The following SNX29 variants were observed in gnomAD, a reference collection of about 807,000 sequenced individuals.
SNX29 encodes the protein sorting nexin 29.
SNX29 carries 78 observed loss-of-function variants against 102.1 expected under a neutral mutation model. The ratio of observed to expected loss-of-function variants is 0.76; its 90% CI spans 0.64 to 0.92. The LOEUF (loss-of-function observed/expected upper bound fraction) is 0.92. SNX29 is among the 40% of genes least tolerant of loss of function. SNX29 has a pLI of 0.00. For synonymous variants in SNX29, 580 were observed against 414.5 expected (o/e 1.40, Z -4.85); for missense variants, 1,280 against 1,061.7 (o/e 1.21, Z -2.86).
At chr16:12,071,466 G>A (rs2051299301) in intron 10 of SNX29, among the ~76,000 whole-genome samples, 1 of 152,162 alleles carries the variant, frequency 6.6e-6, no homozygotes. Flanking sequence ...GTTTGTCAAA[G>A]ATCAGATAGT....
At chr16:12,386,896 G>A (rs749304879) in intron 16 of SNX29, among the ~76,000 whole-genome samples, 2 of 151,736 alleles carry the variant, frequency 1.3e-5, no homozygotes, top group Non-Finnish European at 1.5e-5. Context: ...AGGCCAAGGC[G>A]GGTGGATCAC....
chr16:12,550,595 G>T (rs1006814872), intron 20 of SNX29, among the ~76,000 whole-genome samples: 4 of 150,818 alleles, frequency 2.7e-5, no homozygotes, highest in Admixed American at 1.3e-4. Context: ...GCATACATAC[G>T]TGCTTCTATG....
chr16:12,125,640 T>C (rs1417026059), intron 11 of SNX29, among the ~76,000 whole-genome samples: 1 of 119,790 alleles, frequency 8.3e-6, no homozygotes, highest in African/African-American at 3.6e-5. Context: ...TTTTTTTTTT[T>C]TGAGATGAGG....
chr16:12,459,183 C>A (rs918343632), intron 18 of SNX29, among the ~76,000 whole-genome samples: 1 of 149,398 alleles, frequency 6.7e-6, no homozygotes, highest in African/African-American at 2.5e-5. Context: ...CTCCTACCCG[C>A]CTTTTCCCCC....
At chr16:12,200,299 G>C (rs1041336418) in intron 14 of SNX29, among the ~76,000 whole-genome samples, 2 of 152,118 alleles carry the variant, frequency 1.3e-5, no homozygotes, top group Admixed American at 6.5e-5. Flanking sequence ...GCCAAATGAG[G>C]TGGGGCCATC....
At chr16:12,084,545 G>T (rs1303538772) in intron 11 of SNX29, among the ~76,000 whole-genome samples, 1 of 152,202 alleles carries the variant, frequency 6.6e-6, no homozygotes, top group Non-Finnish European at 1.5e-5. Flanking sequence ...AGCTGTACCT[G>T]GGGTTGGAGT....
At chr16:12,528,371 A>AT (rs1044795306) in intron 20 of SNX29, among the ~76,000 whole-genome samples, 7 of 151,164 alleles carry the variant, frequency 4.6e-5, no homozygotes, top group Admixed American at 2.6e-4. Flanking sequence ...TAATTTTTGT[A>AT]TTTTTTATAG....
chr16:12,246,750 T>A (rs1180301904), intron 14 of SNX29, among the ~76,000 whole-genome samples: 1 of 152,196 alleles, frequency 6.6e-6, no homozygotes, highest in Non-Finnish European at 1.5e-5. Context: ...GTGGTATTCT[T>A]AGAACAATGA....
intron 20 of SNX29, among the ~76,000 whole-genome samples, chr16:12,552,918 T>C (rs13332990): frequency 0.035 from 5,324 of 152,310 alleles, 312 homozygotes; most frequent in African/African-American, 0.12. Flanking sequence ...GCAGCAGAGC[T>C]GATTGCTCCT....
intron 15 of SNX29, among the ~76,000 whole-genome samples, chr16:12,328,569 C>T (rs943027669): frequency 3.9e-5 from 6 of 152,104 alleles, no homozygotes; most frequent in African/African-American, 2.4e-5. Flanking sequence ...GCCCAGATTC[C>T]TCGTTCTCTG....
intron 20 of SNX29, among the ~76,000 whole-genome samples, chr16:12,548,366 TG>T (rs2077741962): frequency 6.6e-6 from 1 of 152,332 alleles, no homozygotes; most frequent in African/African-American, 2.4e-5. Context: ...TGCACCCACA[TG>T]GAAGGGAGTC....
At chr16:12,484,035 G>C (rs1259078903) in intron 19 of SNX29, among the ~76,000 whole-genome samples, 1 of 152,216 alleles carries the variant, frequency 6.6e-6, no homozygotes, top group Non-Finnish European at 1.5e-5. Flanking sequence ...GAGATAGTAA[G>C]AGCACAGCTT....
intron 18 of SNX29, among the ~76,000 whole-genome samples, chr16:12,430,549 A>C (rs529979273): frequency 6.6e-6 from 1 of 152,316 alleles, no homozygotes; most frequent in African/African-American, 2.4e-5. Flanking sequence ...CAGTTTATTC[A>C]TTTGTAAAAT....
chr16:12,409,695 G>C (rs998871356), intron 18 of SNX29, among the ~76,000 whole-genome samples: 7 of 152,046 alleles, frequency 4.6e-5, no homozygotes, highest in African/African-American at 1.7e-4. Context: ...GTCTCTAAAG[G>C]TATGTTAGGC....
At chr16:12,567,905 C>G (rs552148124) in intron 20 of SNX29, among the ~76,000 whole-genome samples, 9 of 152,202 alleles carry the variant, frequency 5.9e-5, no homozygotes, top group Non-Finnish European at 5.9e-5. Context: ...GACCCATGCC[C>G]TGGGACCCAC....
chr16:12,571,967 G>C lies in SNX29; in HGVS notation c.*3338G>C, dbSNP rs935371183. The C allele has an allele frequency of 6.6e-6, 7 of 1,061,876 alleles. No individual in the cohort carries two copies. Among genetic ancestry groups the C allele is most frequent in the Non-Finnish European group, 8.0e-6 (7 of 877,094 alleles). 65.8% of individuals were successfully genotyped at this position (1,061,876 alleles called of 1,614,324 possible). A position where few individuals can be genotyped will look rare whatever the true frequency, so the allele number is the denominator to read the frequency against. On this transcript the variant is annotated 3_prime_UTR_variant, in exon 21 of 21. Transcript: ENST00000566228. ...AGGGAAGAGGCTCTTACAGTCTATG[G>C]TGGTAGCCATCTTCACATCCAGTCA... is the stretch of plus-strand genomic sequence containing the variant.
intron 14 of SNX29, among the ~76,000 whole-genome samples, chr16:12,256,260 T>G (rs968642877): frequency 6.6e-6 from 1 of 152,222 alleles, no homozygotes; most frequent in Non-Finnish European, 1.5e-5. Context: ...CCTTGTATAT[T>G]TTGGATATTA....
intron 18 of SNX29, among the ~76,000 whole-genome samples, chr16:12,467,205 G>A (rs1317749514): frequency 6.6e-6 from 1 of 152,194 alleles, no homozygotes; most frequent in Non-Finnish European, 1.5e-5. Context: ...GCAAGTAAAA[G>A]TGAATGGGCC....
chr16:12,555,367 G>A (rs892635332), intron 20 of SNX29, among the ~76,000 whole-genome samples: 3 of 152,022 alleles, frequency 2.0e-5, no homozygotes, highest in Non-Finnish European at 4.4e-5. Flanking sequence ...TTTCTCCCAT[G>A]AGGCGCTCCC....
Sources: gnomAD v4.1 joint callset for allele counts (sites outside exome capture counted in the v4.1 genomes callset) on GRCh38, gnomAD v4.1.1 for gene constraint, MANE v1.5 for transcripts, NCBI Gene and HGNC (gene_info 2026-07-23, HGNC 2026-07-21) for gene names.